Variants in PTPRG observed in about 807,000 individuals in gnomAD.
PTPRG encodes the protein receptor-type tyrosine-protein phosphatase gamma.
A neutral mutation model predicts 165.3 loss-of-function variants in PTPRG; 102 were observed. That is an observed-to-expected ratio of 0.62 (90% CI 0.53 to 0.73). The LOEUF is 0.73. Among genes scored for constraint, PTPRG ranks in the 30% least tolerant of loss-of-function variants. The pLI is 0.00. For synonymous variants in PTPRG, 675 were observed against 669.5 expected, an observed-to-expected ratio of 1.01 and a Z score of -0.13; for missense variants, 1,866 against 1,861.4, an observed-to-expected ratio of 1.00 and a Z score of -0.05.
chr3:62,276,914 G>A (rs1356807927), intron 24 of PTPRG, 58 bp from the exon 25 acceptor site: 41 of 1,311,076 alleles, frequency 3.1e-5, no homozygotes, highest in Non-Finnish European at 4.0e-5. Flanking sequence ...AGAAAGAGCT[G>A]TTGGTTCTGT....
intron 6 of PTPRG, among the ~76,000 whole-genome samples, chr3:62,135,137 G>C (rs1703659222): frequency 6.6e-6 from 1 of 151,696 alleles, no homozygotes. Context: ...AACTAGGCGT[G>C]ATGGTACATG....
chr3:62,006,983 G>A (rs1376736624), intron 4 of PTPRG, among the ~76,000 whole-genome samples: 1 of 152,186 alleles, frequency 6.6e-6, no homozygotes, highest in Non-Finnish European at 1.5e-5. Flanking sequence ...TTCTTGGGAA[G>A]TCATTCCATC....
intron 1 of PTPRG, among the ~76,000 whole-genome samples, chr3:61,576,836 C>T (rs1439673730): frequency 2.0e-5 from 3 of 152,152 alleles, no homozygotes; most frequent in Non-Finnish European, 4.4e-5. Flanking sequence ...ATGGTGGTTA[C>T]ATCATATTTT....
Position 61,701,414 on chromosome 3 carries a change from G to A in PTPRG, c.86-47464G>A, listed in dbSNP as rs76598975. Reference sequence around the variant, plus strand: ...GGTAGCTATGAGTTTGAGGAGGCTCGGGTCACATTTTCTTATTTATGTTTC... The same window carrying A: ...GGTAGCTATGAGTTTGAGGAGGCTCAGGTCACATTTTCTTATTTATGTTTC... On this transcript the variant is annotated intron_variant, in intron 1 of 29. Coordinates refer to ENST00000474889, the MANE Select transcript of PTPRG (RefSeq NM_002841.4). Among the ~76,000 whole-genome samples, 62 of 152,146 alleles carry A rather than the reference G, an allele frequency of 4.1e-4. No homozygotes were observed. The East Asian group carries it at 7.0e-3, about 17-fold the overall frequency.
intron 2 of PTPRG, among the ~76,000 whole-genome samples, chr3:61,787,104 CAA>C (rs918052196): frequency 6.8e-6 from 1 of 146,058 alleles, no homozygotes; most frequent in Non-Finnish European, 1.5e-5. Context: ...CTTTGTGTGC[CAA>C]AAAAAAAAGT....
chr3:62,095,030 T>A (rs1000998940), intron 5 of PTPRG, among the ~76,000 whole-genome samples: 1 of 152,242 alleles, frequency 6.6e-6, no homozygotes, highest in African/African-American at 2.4e-5. Context: ...TCTGGCTTTA[T>A]AAATGATGAA....
At chr3:61,592,994 A>T (rs1424510943) in intron 1 of PTPRG, among the ~76,000 whole-genome samples, 1 of 152,070 alleles carries the variant, frequency 6.6e-6, no homozygotes, top group East Asian at 1.9e-4. Context: ...GTATTCTAGG[A>T]TATTCTATGT....
chr3:62,114,444 G>A (rs1010417487), intron 5 of PTPRG, among the ~76,000 whole-genome samples: 17 of 152,196 alleles, frequency 1.1e-4, no homozygotes, highest in Admixed American at 4.6e-4. Context: ...TTAACACAGG[G>A]CATTTTTGTT....
chr3:61,604,790 G>T (rs989682012), intron 1 of PTPRG, among the ~76,000 whole-genome samples: 2 of 152,024 alleles, frequency 1.3e-5, no homozygotes, highest in African/African-American at 4.8e-5. Context: ...CACATGGAGG[G>T]TTCATTGTGG....
intron 4 of PTPRG, among the ~76,000 whole-genome samples, chr3:62,061,195 A>G (rs758428964): frequency 5.3e-5 from 8 of 152,210 alleles, no homozygotes; most frequent in Admixed American, 1.3e-4. Context: ...ACTCTCTATG[A>G]TGACTGAAAT....
intron 2 of PTPRG, among the ~76,000 whole-genome samples, chr3:61,971,018 G>A (rs2040369284): frequency 6.6e-6 from 1 of 152,144 alleles, no homozygotes; most frequent in South Asian, 2.1e-4. Context: ...CCCCAGTGTG[G>A]TTTGAATATT....
chr3:61,654,393 TTC>T (rs1160420881), intron 1 of PTPRG, among the ~76,000 whole-genome samples: 1 of 152,150 alleles, frequency 6.6e-6, no homozygotes, highest in Non-Finnish European at 1.5e-5. Flanking sequence ...TTTTCTTTCT[TTC>T]TTTTTTTGAG....
intron 1 of PTPRG, among the ~76,000 whole-genome samples, chr3:61,686,765 C>T (rs1202091401): frequency 1.3e-5 from 2 of 152,094 alleles, no homozygotes; most frequent in African/African-American, 2.4e-5. Flanking sequence ...GTCTGTATAT[C>T]GAAATCTCTA....
Position 62,231,300 on chromosome 3 carries a change from G to A in PTPRG, c.2364G>A (p.Glu788=). ...TGCCTTCTTCTGGGGAGAGAGGAGA[G>A]AAGGGGAGCAGGTGAGGGGCGGTCA... ...REVPSSGERG[E]KGSRKCFQTA... The change falls in exon 14 of 30, where the codon GAG becomes GAA. Residue 788 remains glutamate (E), a synonymous_variant. Coordinates refer to ENST00000474889, the MANE Select transcript of PTPRG (RefSeq NM_002841.4). The A allele has an allele frequency of 6.3e-7, 1 of 1,595,134 alleles. No individual in the cohort carries two copies. Among genetic ancestry groups the A allele is most frequent in the Non-Finnish European group, 8.5e-7 (1 of 1,170,384 alleles).
chr3:62,274,062 G>C (rs1462987947), intron 23 of PTPRG, among the ~76,000 whole-genome samples: 1 of 152,098 alleles, frequency 6.6e-6, no homozygotes, highest in Admixed American at 6.6e-5. Flanking sequence ...ATTTTCTTCT[G>C]AGCAATTTAT....
chr3:62,001,605 T>C (rs1196456329), intron 3 of PTPRG, among the ~76,000 whole-genome samples: 2 of 151,328 alleles, frequency 1.3e-5, no homozygotes, highest in East Asian at 1.9e-4. Flanking sequence ...TATCTGTATA[T>C]ATAGATATAT....
chr3:61,729,444 T>C (rs2032402572), intron 1 of PTPRG, among the ~76,000 whole-genome samples: 1 of 152,178 alleles, frequency 6.6e-6, no homozygotes, highest in African/African-American at 2.4e-5. Flanking sequence ...TTGCTCTGGG[T>C]TGATTTAGGT....
intron 28 of PTPRG, among the ~76,000 whole-genome samples, chr3:62,285,751 T>C (rs1022348119): frequency 5.9e-5 from 9 of 152,114 alleles, no homozygotes; most frequent in Admixed American, 2.0e-4. Context: ...TGGGTTCCCA[T>C]AGATATTTAG....
intron 2 of PTPRG, among the ~76,000 whole-genome samples, chr3:61,977,066 C>G (rs2040526606): frequency 6.6e-6 from 1 of 152,106 alleles, no homozygotes; most frequent in African/African-American, 2.4e-5. Context: ...TCTTTTCAGA[C>G]ATTTTCTCTT....
Sources: allele counts gnomAD v4.1 joint callset (sites outside exome capture counted in the v4.1 genomes callset), GRCh38; gene constraint gnomAD v4.1.1; transcripts MANE v1.5; gene names NCBI Gene and HGNC (gene_info 2026-07-23, HGNC 2026-07-21).